The following TPR variants were observed in gnomAD, a reference collection of about 807,000 sequenced individuals.
The protein encoded by TPR is nucleoprotein TPR.
TPR carries 51 observed loss-of-function variants against 316.1 expected under a neutral mutation model. The observed-to-expected ratio is 0.16, with a 90% confidence interval of 0.13 to 0.20. The LOEUF (loss-of-function observed/expected upper bound fraction) is 0.20. TPR is among the 10% of genes least tolerant of loss of function. The pLI is 1.00. For synonymous variants in TPR, 981 were observed against 914.7 expected (o/e 1.07, Z -1.31); for missense variants, 2,272 against 2,754.8 (o/e 0.82, Z 3.92).
Position 186,312,083 on chromosome 1 carries a change from GT to G in TPR, c.*1887del, listed in dbSNP as rs1248248582. Reference sequence around the variant, plus strand: ...TTATATGAAAAATGAGAACAAAACTGTTTCCTATACATTGTAAAAGTTGTTT... The same window carrying G: ...TTATATGAAAAATGAGAACAAAACTGTTCCTATACATTGTAAAAGTTGTTT... On this transcript the variant is annotated 3_prime_UTR_variant, in exon 51 of 51. Transcript: ENST00000367478. 6 of 1,042,962 alleles carry G rather than the reference GT, an allele frequency of 5.8e-6. No homozygotes were observed. The African/African-American group carries it at 6.4e-5, about 11-fold the overall frequency. 64.6% of individuals were successfully genotyped at this position (1,042,962 alleles called of 1,614,324 possible).
intron 3 of TPR, among the ~76,000 whole-genome samples, chr1:186,369,148 T>C (rs529717654): frequency 3.3e-5 from 5 of 152,356 alleles, no homozygotes; most frequent in Admixed American, 3.3e-4. Flanking sequence ...TGGATTACTA[T>C]AGTTTTATAA....
intron 19 of TPR, 108 bp from the exon 20 acceptor site, chr1:186,351,578 A>C: frequency 8.2e-7 from 1 of 1,214,068 alleles, no homozygotes; most frequent in South Asian, 2.0e-5. Context: ...TTCTACATGA[A>C]GCAGCTAAAA....
At chr1:186,359,007 T>C (rs956288876) in intron 12 of TPR, among the ~76,000 whole-genome samples, 5 of 152,070 alleles carry the variant, frequency 3.3e-5, no homozygotes, top group East Asian at 1.9e-4. Context: ...AACCAGCTGA[T>C]ATAATAAAGT....
At chr1:186,336,741 T>C (rs1191921871) in intron 32 of TPR, 47 bp from the exon 33 acceptor site, 1 of 1,560,002 alleles carries the variant, frequency 6.4e-7, no homozygotes, top group African/African-American at 1.4e-5. Flanking sequence ...ATCATTTCAA[T>C]ATAAACTGTA....
rs767760119 is a variant in TPR, at chr1:186,362,791, G to GT, written c.696+45dup. 25 of 1,490,238 alleles carry GT rather than the reference G, an allele frequency of 1.7e-5. 1 individual carries two copies. In the Middle Eastern group the frequency reaches 6.3e-4, roughly 37 times the overall value. The allele number at this position is 1,490,238 out of a possible 1,614,324, so 92.3% of individuals were successfully genotyped here. A position where few individuals can be genotyped will look rare whatever the true frequency, so the allele number is the denominator to read the frequency against. The stretch of plus-strand genomic sequence containing the variant: ...ATATTTAATAAACTGACATACAAAT[G>GT]TAAGTTATACTCAACATGAAGAAAA... On this transcript the variant is annotated intron_variant, in intron 6 of 50. Transcript: ENST00000367478.
intron 12 of TPR, 105 bp downstream of exon 12, chr1:186,359,694 G>C (rs1031688097): frequency 8.8e-7 from 1 of 1,135,912 alleles, no homozygotes; most frequent in South Asian, 1.6e-5. Context: ...ATTGAAAATC[G>C]TATTTAGATT....
intron 7 of TPR, among the ~76,000 whole-genome samples, chr1:186,362,084 A>G (rs1013545800): frequency 6.6e-6 from 1 of 151,780 alleles, no homozygotes; most frequent in African/African-American, 2.4e-5. Context: ...ATTAACCCAT[A>G]CTCATTTTTT....
At chr1:186,354,978 A>G (rs545634669) in intron 17 of TPR, among the ~76,000 whole-genome samples, 11 of 152,264 alleles carry the variant, frequency 7.2e-5, no homozygotes, top group African/African-American at 2.6e-4. Flanking sequence ...ATCTTGGCTC[A>G]CCGCAACCAC....
chr1:186,341,597 A>C (rs1658507196), intron 27 of TPR: 2 of 506,256 alleles, frequency 4.0e-6, no homozygotes, highest in Admixed American at 7.4e-5. Context: ...CAAAGACAAA[A>C]GTGAAAAGAT....
rs369621055 is a variant in TPR at position 186,355,566 on chromosome 1, T to C, written c.2023-8A>G. On this transcript the variant is annotated splice_region_variant and splice_polypyrimidine_tract_variant and intron_variant, in intron 16 of 50. Transcript: ENST00000367478. ...CTCAAAAATTTCCTGCAACTAAATA[T>C]TGGAGATTATGAGAAGGTAACACTG... 193 of 1,612,032 alleles carry C rather than the reference T, an allele frequency of 1.2e-4. 1 individual carries two copies. The Admixed American group carries it at 2.8e-3, about 23-fold the overall frequency.
At chr1:186,347,558 G>C in intron 21 of TPR, 100 bp from the exon 22 acceptor site, 1 of 1,215,334 alleles carries the variant, frequency 8.2e-7, no homozygotes, top group Non-Finnish European at 1.1e-6. Context: ...TTCAAATACA[G>C]ATATATTTAG....
At chr1:186,341,531 C>T (rs993695961) in intron 27 of TPR, 142 bp from the exon 28 acceptor site, 15 of 875,452 alleles carry the variant, frequency 1.7e-5, no homozygotes, top group African/African-American at 1.7e-4. Flanking sequence ...TGAAAGTTCA[C>T]GTTTACTTTT....
intron 13 of TPR, 63 bp downstream of exon 13, chr1:186,358,480 G>T: frequency 7.8e-7 from 1 of 1,286,676 alleles, no homozygotes; most frequent in Non-Finnish European, 1.1e-6. Context: ...CCTTCAAACA[G>T]ATTCAAAGAT....
chr1:186,313,142 T>C lies in TPR; in HGVS notation c.*829A>G, dbSNP rs1389558881. 4 of 510,274 alleles carry C rather than the reference T, an allele frequency of 7.8e-6. No individual in the cohort carries two copies. Among genetic ancestry groups the C allele is most frequent in the Non-Finnish European group, 3.5e-6 (1 of 281,712 alleles). The allele number at this position is 510,274 out of a possible 1,614,324, so 31.6% of individuals were successfully genotyped here. A position where few individuals can be genotyped will look rare whatever the true frequency, so the allele number is the denominator to read the frequency against. On this transcript the variant is annotated 3_prime_UTR_variant, in exon 51 of 51. Coordinates refer to ENST00000367478, the MANE Select transcript of TPR (RefSeq NM_003292.3). Reference sequence around the variant, plus strand: ...CATCCAGTTACTAGAGTAAACTTGCTACTGACAATAGTATTTTACTTCTAT... The same window carrying C: ...CATCCAGTTACTAGAGTAAACTTGCCACTGACAATAGTATTTTACTTCTAT...
intron 40 of TPR, 144 bp from the exon 41 acceptor site, chr1:186,326,379 G>T (rs887733611): frequency 8.0e-7 from 1 of 1,243,844 alleles, no homozygotes; most frequent in Non-Finnish European, 1.1e-6. Context: ...GATTAGTACA[G>T]CAGCACCAAA....
chr1:186,370,131 T>C (rs993854209), intron 3 of TPR, among the ~76,000 whole-genome samples: 2 of 152,166 alleles, frequency 1.3e-5, no homozygotes, highest in African/African-American at 2.4e-5. Flanking sequence ...AACTTGAATA[T>C]GTGGCTATGC....
chr1:186,348,512 C>CCTTATCAGTGGTTCTG (rs1658751103), intron 21 of TPR, among the ~76,000 whole-genome samples: 1 of 151,982 alleles, frequency 6.6e-6, no homozygotes, highest in Non-Finnish European at 1.5e-5. Context: ...TTTGTTAGAT[C>CCTTATCAGTGGTTCTG]CTTATCAGTG....
chr1:186,344,184 C>A, intron 25 of TPR, 94 bp from the exon 26 acceptor site: 1 of 1,452,016 alleles, frequency 6.9e-7, no homozygotes, highest in South Asian at 1.4e-5. Flanking sequence ...CCTGTAATCC[C>A]GACTACTTGG....
intron 21 of TPR, 149 bp from the exon 22 acceptor site, chr1:186,347,607 G>C: frequency 1.3e-6 from 1 of 763,342 alleles, no homozygotes; most frequent in African/African-American, 1.8e-5. Context: ...CAAAATAAAA[G>C]CAGGTACTTT....
Sources: gnomAD v4.1 joint callset for allele counts (sites outside exome capture counted in the v4.1 genomes callset) on GRCh38, gnomAD v4.1.1 for gene constraint, MANE v1.5 for transcripts, NCBI Gene and HGNC (gene_info 2026-07-23, HGNC 2026-07-21) for gene names.